Variants in GOLPH3 observed in about 807,000 individuals in gnomAD.
GOLPH3 encodes coat protein GPP34.
GOLPH3 carries 14 observed loss-of-function variants against 28.5 expected under a neutral mutation model. The observed-to-expected ratio is 0.49, with a 90% CI of 0.32 to 0.77. The LOEUF is 0.77. GOLPH3 is among the 30% of genes least tolerant of loss of function. The pLI is 0.03. For missense variants in GOLPH3, 350 were observed against 393.7 expected (o/e 0.89, Z 0.94); for synonymous variants, 158 against 159.2 (o/e 0.99, Z 0.06).
chr5:32,156,014 G>T (rs931186960), intron 1 of GOLPH3, among the ~76,000 whole-genome samples: 2 of 144,142 alleles, frequency 1.4e-5, no homozygotes, highest in Non-Finnish European at 3.0e-5. Context: ...CCCCAACAGG[G>T]TCTCTGGAAG....
Position 32,126,027 on chromosome 5 carries a change from AGAGG to A in GOLPH3, c.*181_*184del. On this transcript the variant is annotated 3_prime_UTR_variant, in exon 4 of 4. Coordinates refer to ENST00000265070, the MANE Select transcript of GOLPH3 (RefSeq NM_022130.4). ...AGTAAAACTTTTTTTAAAAACAGAA[AGAGG>A]AAGGCCTCTCGTACCAGCAGAATCC... 1 of 551,894 alleles carries A rather than the reference AGAGG, an allele frequency of 1.8e-6. No individual in the cohort carries two copies. The highest frequency in any genetic ancestry group is 3.0e-5 in the East Asian group (1 of 33,666). The allele number at this position is 551,894 out of a possible 1,614,324, so 34.2% of individuals were successfully genotyped here.
intron 2 of GOLPH3, 147 bp from the exon 3 acceptor site, chr5:32,135,833 T>C (rs1561660326): frequency 6.7e-6 from 4 of 599,636 alleles, no homozygotes; most frequent in Middle Eastern, 4.1e-4. Context: ...GATTTTAAAT[T>C]ACTTTTATGT....
chr5:32,143,601 A>T, intron 2 of GOLPH3, 148 bp downstream of exon 2: 1 of 689,972 alleles, frequency 1.4e-6, no homozygotes, highest in Non-Finnish European at 2.3e-6. Flanking sequence ...CCAGGAAACC[A>T]AGAATGCAAA....
rs767664660 is a variant in GOLPH3 at position 32,129,930 on chromosome 5, C to CT, written c.473-3295dup. 1.6e-4 allele frequency among the ~76,000 whole-genome samples: 24 copies of CT among 152,214 alleles called. 1 individual carries two copies. Among genetic ancestry groups the CT allele is most frequent in the South Asian group, 1.5e-3 (7 of 4,820 alleles). On this transcript the variant is annotated intron_variant, in intron 3 of 3. Coordinates refer to ENST00000265070, the MANE Select transcript of GOLPH3 (RefSeq NM_022130.4). ...GATCAGGGCTCACTGCAAGCTCCGC[C>CT]TCCTGGGTTCACGTCATTCTCCTGC...
chr5:32,156,021 G>A (rs1746417823), intron 1 of GOLPH3, among the ~76,000 whole-genome samples: 1 of 141,562 alleles, frequency 7.1e-6, no homozygotes, highest in African/African-American at 2.6e-5. Flanking sequence ...AGGGTCTCTG[G>A]AAGGTCATTA....
At chr5:32,135,738 TG>T in intron 2 of GOLPH3, 52 bp from the exon 3 acceptor site, 1 of 1,030,590 alleles carries the variant, frequency 9.7e-7, no homozygotes, top group South Asian at 1.3e-5. Context: ...TTTTCTGAGT[TG>T]ATCTCATTAA....
At chr5:32,173,187 A>T (rs1746882294) in intron 1 of GOLPH3, among the ~76,000 whole-genome samples, 2 of 152,282 alleles carry the variant, frequency 1.3e-5, no homozygotes, top group South Asian at 4.2e-4. Context: ...TACTAAAAAT[A>T]ATCTCTCACC....
intron 1 of GOLPH3, among the ~76,000 whole-genome samples, chr5:32,169,856 C>T (rs1191712744): frequency 6.6e-6 from 1 of 151,738 alleles, no homozygotes; most frequent in East Asian, 1.9e-4. Flanking sequence ...GATTCTCTGC[C>T]CAAGTGAGCA....
chr5:32,173,709 G>T, intron 1 of GOLPH3, 101 bp downstream of exon 1: 3 of 810,504 alleles, frequency 3.7e-6, no homozygotes, highest in Non-Finnish European at 5.0e-6. Context: ...GGGCAGGTGC[G>T]CGGGCCGGAA....
intron 1 of GOLPH3, among the ~76,000 whole-genome samples, chr5:32,172,857 G>A (rs1232628746): frequency 1.3e-5 from 2 of 152,182 alleles, no homozygotes; most frequent in East Asian, 3.9e-4. Flanking sequence ...GCGAAACTCC[G>A]TCTCCACATA....
intron 2 of GOLPH3, among the ~76,000 whole-genome samples, chr5:32,139,525 C>G (rs1235979350): frequency 2.0e-5 from 3 of 152,246 alleles, no homozygotes; most frequent in African/African-American, 4.8e-5. Context: ...ATTCTCCTCA[C>G]TGATCTTTCT....
chr5:32,166,966 A>AG (rs147159094), intron 1 of GOLPH3, among the ~76,000 whole-genome samples: 4,907 of 150,594 alleles, frequency 0.033, 268 homozygotes, highest in African/African-American at 0.11. Flanking sequence ...TGCTGTTAGA[A>AG]GGGGGGGGGA....
intron 1 of GOLPH3, among the ~76,000 whole-genome samples, chr5:32,145,882 C>T (rs1202096837): frequency 3.9e-5 from 6 of 152,110 alleles, no homozygotes; most frequent in Admixed American, 1.3e-4. Flanking sequence ...TTCTGGGACT[C>T]GTCAGCAATA....
intron 1 of GOLPH3, among the ~76,000 whole-genome samples, chr5:32,146,290 C>CA (rs11290084): frequency 3.4e-4 from 48 of 143,254 alleles, no homozygotes; most frequent in East Asian, 6.1e-4. Flanking sequence ...GACCCTATCT[C>CA]AAAAAAAAAA....
chr5:32,142,106 T>G (rs1427349712), intron 2 of GOLPH3, among the ~76,000 whole-genome samples: 5 of 146,360 alleles, frequency 3.4e-5, no homozygotes, highest in Non-Finnish European at 7.5e-5. Context: ...GGCTGCCCAG[T>G]CTGGAAAGTG....
At chr5:32,143,223 G>A (rs1746120985) in intron 2 of GOLPH3, among the ~76,000 whole-genome samples, 1 of 152,010 alleles carries the variant, frequency 6.6e-6, no homozygotes, top group Non-Finnish European at 1.5e-5. Context: ...GGTGCAAGAT[G>A]TGCTTTGTTA....
chr5:32,126,169 T>C lies in GOLPH3; in HGVS notation c.*43A>G, dbSNP rs970686065. The C allele has an allele frequency of 6.5e-7, 1 of 1,541,374 alleles. No individual in the cohort carries two copies. Among genetic ancestry groups the C allele is most frequent in the African/African-American group, 1.4e-5 (1 of 72,346 alleles). On this transcript the variant is annotated 3_prime_UTR_variant, in exon 4 of 4. Transcript: ENST00000265070. ...CAGAAGTCAACAGAAGAAAAACTACTGGTTTACTTGAGAGAAAGGAGAATG... is the reference window on the plus strand; with the variant it reads ...CAGAAGTCAACAGAAGAAAAACTACCGGTTTACTTGAGAGAAAGGAGAATG...
intron 2 of GOLPH3, among the ~76,000 whole-genome samples, chr5:32,140,125 G>C (rs1239475259): frequency 1.3e-5 from 2 of 151,840 alleles, no homozygotes; most frequent in Admixed American, 6.6e-5. Context: ...CCCACATTAA[G>C]GCATATCGTA....
At chr5:32,148,513 G>T (rs1746227343) in intron 1 of GOLPH3, among the ~76,000 whole-genome samples, 1 of 152,142 alleles carries the variant, frequency 6.6e-6, no homozygotes, top group African/African-American at 2.4e-5. Context: ...AGAAATATAG[G>T]CCAGGTCCAC....
Sources: allele counts gnomAD v4.1 joint callset (sites outside exome capture counted in the v4.1 genomes callset), GRCh38; gene constraint gnomAD v4.1.1; transcripts MANE v1.5; gene names NCBI Gene and HGNC (gene_info 2026-07-23, HGNC 2026-07-21).